Variants in PKD1L3 observed in about 807,000 individuals in gnomAD.
The protein encoded by PKD1L3 is polycystin 1 like 3, transient receptor potential channel interacting.
PKD1L3 carries 239 observed loss-of-function variants against 184.1 expected under a neutral mutation model. The ratio of observed to expected loss-of-function variants is 1.30; its 90% CI spans 1.17 to 1.45. PKD1L3 has a LOEUF of 1.45. Ranked by LOEUF, PKD1L3 falls within the 40% of genes most tolerant of loss-of-function variation. The pLI is 0.00. For missense variants in PKD1L3, 2,660 were observed against 2,067.2 expected (o/e 1.29, Z -5.56); for synonymous variants, 996 against 778.8 (o/e 1.28, Z -4.64).
In PKD1L3 at chr16:71,942,620, C is replaced by G. The variant is rs1275730064; in HGVS notation, c.4264G>C (p.Asp1422His). ...SPRPMVLIPT[D>H]ELHERLTSKN... Reference sequence around the variant, plus strand: ...CTTGTCAGCCTTTCGTGAAGCTCATCAGTGGGAATCAGCACCATGGGCCTG... The same window carrying G: ...CTTGTCAGCCTTTCGTGAAGCTCATGAGTGGGAATCAGCACCATGGGCCTG... Residue 1422 changes from aspartate (D) to histidine (H), a missense_variant, in exon 24 of 30, where the codon GAT becomes CAT. Coordinates refer to ENST00000620267, the MANE Select transcript of PKD1L3 (RefSeq NM_181536.2). The G allele has an allele frequency of 2.6e-6, 4 of 1,551,552 alleles. No individual in the cohort carries two copies. Among genetic ancestry groups the G allele is most frequent in the Non-Finnish European group, 3.5e-6 (4 of 1,147,010 alleles).
intron 23 of PKD1L3, among the ~76,000 whole-genome samples, chr16:71,943,537 C>CAAAAAAAAAAAA (rs10693124): frequency 3.7e-4 from 31 of 84,460 alleles, no homozygotes; most frequent in East Asian, 6.8e-4. Context: ...GACTCCGTCT[C>CAAAAAAAAAAAA]AAAAAAAAAA....
At chr16:71,933,085 C>T (rs1047758951) in intron 28 of PKD1L3, among the ~76,000 whole-genome samples, 2 of 152,072 alleles carry the variant, frequency 1.3e-5, no homozygotes, top group Non-Finnish European at 2.9e-5. Flanking sequence ...CCTGTTAATG[C>T]ACTTTCAAGG....
At chr16:71,938,038 C>T (rs1251371841) in intron 24 of PKD1L3, among the ~76,000 whole-genome samples, 2 of 152,150 alleles carry the variant, frequency 1.3e-5, no homozygotes, top group South Asian at 4.1e-4. Flanking sequence ...GGAGCCCTGC[C>T]CCCTTCTGAG....
rs78641073 is a variant in PKD1L3, at chr16:71,993,152, T to C, written c.535+64A>G. On this transcript the variant is annotated intron_variant, in intron 3 of 29. Coordinates refer to ENST00000620267, the MANE Select transcript of PKD1L3 (RefSeq NM_181536.2). ...ACATTTCAGCATTAATTCAGTCTTG[T>C]GCATTCTTTTAGCAGAAATTGATTC... 1,887 of 1,149,624 alleles carry C rather than the reference T, an allele frequency of 1.6e-3. 30 individuals are homozygous for C. In the African/African-American group the frequency reaches 0.025, roughly 15 times the overall value. The allele number at this position is 1,149,624 out of a possible 1,614,324, so 71.2% of individuals were successfully genotyped here.
rs2040088152 is a variant in PKD1L3 at position 71,980,025 on chromosome 16, G to A, written c.1253C>T (p.Ala418Val). 4 of 1,551,970 alleles carry A rather than the reference G, an allele frequency of 2.6e-6. No individual in the cohort carries two copies. In the East Asian group the frequency reaches 7.3e-5, roughly 28 times the overall value. Reference sequence around the variant, plus strand: ...CATTAACCTGCTCAGCAGCAGAGTAGCATTGGCAGAGGTCAAAGTCACTGA... The same window carrying A: ...CATTAACCTGCTCAGCAGCAGAGTAACATTGGCAGAGGTCAAAGTCACTGA... ...ESSVTLTSAN[A>V]TLLLSRQNIS... Residue 418 changes from alanine to valine, a missense_variant, in exon 8 of 30, where the codon GCT (alanine) becomes GTT (valine). By Grantham distance (64) the Ala-to-Val change is moderately conservative (BLOSUM62 0). Coordinates refer to ENST00000620267, the MANE Select transcript of PKD1L3 (RefSeq NM_181536.2).
At position 71,935,341 on chromosome 16, in the gene PKD1L3, C is replaced by T; in HGVS notation, c.4613+17G>A. The stretch of plus-strand genomic sequence containing the variant: ...CATGAGGTAGGAATATGCTGTGCCC[C>T]TCAGGCTTCCTCTCACCTGTCCTGG... On this transcript the variant is annotated intron_variant, in intron 26 of 29. Transcript: ENST00000620267. 6.5e-7 allele frequency: 1 copy of T among 1,548,486 alleles called. No individual in the cohort carries two copies. The highest frequency in any genetic ancestry group is 2.0e-5 in the Admixed American group (1 of 50,656).
chr16:71,935,255 G>T, intron 26 of PKD1L3, 103 bp downstream of exon 26: 1 of 1,236,168 alleles, frequency 8.1e-7, no homozygotes, highest in Non-Finnish European at 1.1e-6. Flanking sequence ...CTAATGTTAT[G>T]CAAATACAGA....
At position 71,990,318 on chromosome 16, in the gene PKD1L3, G is replaced by A. The variant is rs868259801; in HGVS notation, c.547C>T (p.Leu183Phe). Residue 183 changes from leucine (L) to phenylalanine (F), a missense_variant, in exon 4 of 30, where the codon CTT becomes TTT. Coordinates refer to ENST00000620267, the MANE Select transcript of PKD1L3 (RefSeq NM_181536.2). ...AGAGGATAGTGACATGTGGTTGGAA[G>A]ATGACCAGGTCCTATAGAAAAAAGA... ...RDKMPPGPGHLPTTCHYPLPA... is the reference protein window; with the variant it reads ...RDKMPPGPGHFPTTCHYPLPA... 19 of 1,547,998 alleles carry A rather than the reference G, an allele frequency of 1.2e-5. No homozygotes were observed. The African/African-American group carries it at 2.2e-4, about 18-fold the overall frequency.
At position 71,970,115 on chromosome 16, in the gene PKD1L3, G is replaced by C. The variant is rs768275891; in HGVS notation, c.1954-10C>G. 33 of 1,546,910 alleles carry C rather than the reference G, an allele frequency of 2.1e-5. No homozygotes were observed. Among genetic ancestry groups the C allele is most frequent in the Non-Finnish European group, 2.7e-5 (31 of 1,142,888 alleles). ...TGCTCTGTGGCCCAACCTGGAATTAGAATCAAGACGTTGATTCTAGTCAGA... is the reference window on the plus strand; with the variant it reads ...TGCTCTGTGGCCCAACCTGGAATTACAATCAAGACGTTGATTCTAGTCAGA... On this transcript the variant is annotated splice_polypyrimidine_tract_variant and intron_variant, in intron 12 of 29. Coordinates refer to ENST00000620267, the MANE Select transcript of PKD1L3 (RefSeq NM_181536.2).
intron 12 of PKD1L3, among the ~76,000 whole-genome samples, chr16:71,970,916 C>T (rs539051582): frequency 1.3e-5 from 2 of 152,256 alleles, no homozygotes; most frequent in East Asian, 3.9e-4. Context: ...GAGATATGTA[C>T]AGTATAATGC....
At chr16:71,945,385 T>G (rs58330958) in intron 22 of PKD1L3, among the ~76,000 whole-genome samples, 2 of 132,438 alleles carry the variant, frequency 1.5e-5, no homozygotes, top group East Asian at 2.1e-4. Flanking sequence ...CACACACACA[T>G]ATATATATAT....
In PKD1L3 at chr16:71,990,342, G is replaced by C. The variant is rs771461382; in HGVS notation, c.536-13C>G. 3.9e-6 allele frequency: 6 copies of C among 1,540,488 alleles called. No homozygotes were observed. In the Admixed American group the frequency reaches 9.9e-5, roughly 25 times the overall value. ...AGATGACCAGGTCCTATAGAAAAAA[G>C]AAAGCAGACTAAGTTCAAGTAAAAG... On this transcript the variant is annotated splice_polypyrimidine_tract_variant and intron_variant, in intron 3 of 29. Transcript: ENST00000620267.
intron 10 of PKD1L3, 58 bp from the exon 11 acceptor site, chr16:71,977,525 C>T: frequency 1.7e-6 from 2 of 1,192,056 alleles, no homozygotes; most frequent in East Asian, 2.6e-5. Context: ...CTTTCAAAAT[C>T]CTTTATATTG....
chr16:71,994,746 C>A (rs2040720758), intron 2 of PKD1L3, among the ~76,000 whole-genome samples: 1 of 152,120 alleles, frequency 6.6e-6, no homozygotes, highest in Non-Finnish European at 1.5e-5. Flanking sequence ...TGCCTGTAAT[C>A]CCCGCACTTA....
At chr16:71,973,772 C>T (rs565833845) in intron 11 of PKD1L3, among the ~76,000 whole-genome samples, 66 of 152,136 alleles carry the variant, frequency 4.3e-4, no homozygotes, top group Admixed American at 1.6e-3. Flanking sequence ...GAAGCTGATG[C>T]GGGCGGATCA....
At chr16:71,996,738 C>T (rs1313558724) in intron 2 of PKD1L3, among the ~76,000 whole-genome samples, 1 of 151,902 alleles carries the variant, frequency 6.6e-6, no homozygotes, top group East Asian at 1.9e-4. Context: ...GCACAATTCT[C>T]TGGAGATTGC....
At chr16:71,963,180 G>T in intron 16 of PKD1L3, 25 bp downstream of exon 16, 1 of 1,529,322 alleles carries the variant, frequency 6.5e-7, no homozygotes, top group Non-Finnish European at 8.8e-7. Flanking sequence ...AATATTCACT[G>T]TTAATAGTAA....
intron 9 of PKD1L3, 92 bp downstream of exon 9, chr16:71,979,694 G>A: frequency 1.4e-6 from 2 of 1,401,092 alleles, no homozygotes; most frequent in Non-Finnish European, 1.9e-6. Context: ...GGTCTGTTCA[G>A]TTTACATTTC....
At position 71,949,951 on chromosome 16, in the gene PKD1L3, G is replaced by C; in HGVS notation, c.3450C>G (p.Ser1150=). 1 of 1,551,670 alleles carries C rather than the reference G, an allele frequency of 6.4e-7. No individual in the cohort carries two copies. The highest frequency in any genetic ancestry group is 8.7e-7 in the Non-Finnish European group (1 of 1,147,002). ...EGKKPISNGL[S]KWLTSVCWLL... is the part of the protein sequence containing the mutation. ...GCCAGCAGACTGAAGTCAACCATTT[G>C]GACAGGCCATTTGAGATGGGCTTTT... The change falls in exon 21 of 30, where the codon TCC becomes TCG. Residue 1150 remains serine, a synonymous_variant. Transcript: ENST00000620267.
Sources: allele counts gnomAD v4.1 joint callset (sites outside exome capture counted in the v4.1 genomes callset), GRCh38; gene constraint gnomAD v4.1.1; transcripts MANE v1.5; gene names NCBI Gene and HGNC (gene_info 2026-07-23, HGNC 2026-07-21).